Variants in SETD2 observed in about 807,000 individuals in gnomAD.
The protein encoded by SETD2 is histone-lysine N-methyltransferase SETD2.
Under a neutral mutation model 242.1 loss-of-function variants are expected in SETD2, and 31 were observed. That is an observed-to-expected ratio of 0.13 (90% CI 0.10 to 0.17). The LOEUF is 0.17. Ranked by LOEUF, SETD2 falls within the 10% of genes least tolerant of loss-of-function variation. The pLI is 1.00. For synonymous variants in SETD2, 1,006 were observed against 1,066.5 expected (o/e 0.94, Z 1.11); for missense variants, 2,481 against 3,046.3 (o/e 0.81, Z 4.37).
At chr3:47,117,152 A>G (rs1369753109) in intron 3 of SETD2, among the ~76,000 whole-genome samples, 1 of 151,904 alleles carries the variant, frequency 6.6e-6, no homozygotes, top group East Asian at 1.9e-4. Flanking sequence ...GGCATGATCC[A>G]CTACGCCTGG....
At chr3:47,049,906 T>C (rs1421328331) in intron 15 of SETD2, among the ~76,000 whole-genome samples, 3 of 85,028 alleles carry the variant, frequency 3.5e-5, no homozygotes, top group African/African-American at 1.7e-4. Flanking sequence ...TATAAACTTA[T>C]TCTGAATTTA....
At chr3:47,110,414 A>G (rs2042605317) in intron 5 of SETD2, among the ~76,000 whole-genome samples, 1 of 152,200 alleles carries the variant, frequency 6.6e-6, no homozygotes, top group Non-Finnish European at 1.5e-5. Context: ...AATGGTCAAT[A>G]TTATATTATG....
At chr3:47,144,056 C>T (rs955942772) in intron 1 of SETD2, among the ~76,000 whole-genome samples, 1 of 152,184 alleles carries the variant, frequency 6.6e-6, no homozygotes, top group African/African-American at 2.4e-5. Context: ...ACAGCTCTAG[C>T]TGTCAAGTTT....
Position 47,120,662 on chromosome 3 carries a change from C to T in SETD2, c.3974G>A (p.Gly1325Glu), listed in dbSNP as rs1187497298. The T allele has an allele frequency of 4.3e-6, 7 of 1,614,084 alleles. No homozygotes were observed. Among genetic ancestry groups the T allele is most frequent in the Non-Finnish European group, 5.9e-6 (7 of 1,180,036 alleles). The change falls in exon 3 of 21, where the codon GGA becomes GAA. Residue 1325 changes from glycine to glutamate, a missense_variant. Coordinates refer to ENST00000409792, the MANE Select transcript of SETD2 (RefSeq NM_014159.7). ...GTGVVYDRTQ[G>E]QVPDSLTDDR... The stretch of plus-strand genomic sequence containing the variant: ...ATCTGTTAGGGAATCTGGTACTTGT[C>T]CTTGAGTTCGATCATACACAACCCC...
In SETD2 at chr3:47,083,843, T is replaced by C; in HGVS notation, c.5937A>G (p.Pro1979=). The C allele has an allele frequency of 6.2e-7, 1 of 1,614,118 alleles. No individual in the cohort carries two copies. Among genetic ancestry groups the C allele is most frequent in the Non-Finnish European group, 8.5e-7 (1 of 1,179,958 alleles). The change falls in exon 12 of 21, where the codon CCA becomes CCG. Residue 1979 remains proline, a synonymous_variant. Coordinates refer to ENST00000409792, the MANE Select transcript of SETD2 (RefSeq NM_014159.7). ...KLEEPINEET[P]SQDEEEGVSD... is the part of the protein sequence containing the mutation. ...ACACACCCTCCTCTTCATCTTGGGA[T>C]GGTGTTTCTTCATTAATAGGTTCTT...
chr3:47,126,384 A>C (rs753730790), intron 2 of SETD2, among the ~76,000 whole-genome samples: 49 of 152,240 alleles, frequency 3.2e-4, no homozygotes, highest in Admixed American at 2.6e-3. Context: ...AAACAAGTAA[A>C]AGATATTTTT....
intron 9 of SETD2, among the ~76,000 whole-genome samples, chr3:47,089,097 T>A (rs971532337): frequency 1.3e-5 from 2 of 152,200 alleles, no homozygotes; most frequent in Admixed American, 1.3e-4. Context: ...AATCCATTTT[T>A]ATGCACCTCA....
rs748728806 is a variant in SETD2 at position 47,114,021 on chromosome 3, A to C, written c.4587-17T>G. ...CGAGAAGAACTGAAATGAGAAAAGG[A>C]GGAAATTTAATTCTTTAAAGCAGCA... On this transcript the variant is annotated splice_polypyrimidine_tract_variant and intron_variant, in intron 4 of 20. Transcript: ENST00000409792. The C allele has an allele frequency of 1.7e-5, 27 of 1,593,552 alleles. No individual in the cohort carries two copies. Among genetic ancestry groups the C allele is most frequent in the Non-Finnish European group, 2.3e-5 (27 of 1,174,434 alleles).
Position 47,120,226 on chromosome 3 carries a change from T to C in SETD2, c.4410A>G (p.Pro1470=), listed in dbSNP as rs759660816. The C allele has an allele frequency of 1.3e-6, 2 of 1,579,370 alleles. No individual in the cohort carries two copies. The highest frequency in any genetic ancestry group is 2.0e-5 in the Admixed American group (1 of 50,948). ...TTTCTTCAATAAGATCAAAGTAACA[T>C]GGCATTTTCCCTTGCTTGGCACATT... is the stretch of plus-strand genomic sequence containing the variant. ...WKECAKQGKM[P]CYFDLIEENV... is the part of the protein sequence containing the mutation. Residue 1470 remains proline, a synonymous_variant, in exon 3 of 21, where the codon CCA becomes CCG. Transcript: ENST00000409792.
chr3:47,046,327 A>C (rs2039524840), intron 16 of SETD2, among the ~76,000 whole-genome samples, 160 bp downstream of exon 16: 1 of 149,624 alleles, frequency 6.7e-6, no homozygotes. Context: ...ACAGAGCGAG[A>C]CTCTGTCTCA....
Position 47,113,868 on chromosome 3 carries a change from G to T in SETD2, c.4715+8C>A, listed in dbSNP as rs537315931. 6.2e-7 allele frequency: 1 copy of T among 1,604,066 alleles called. No homozygotes were observed. The highest frequency in any genetic ancestry group is 1.8e-5 in the Admixed American group (1 of 56,616). On this transcript the variant is annotated splice_region_variant and intron_variant, in intron 5 of 20. Transcript: ENST00000409792. ...AAGGAAGTGAAAGGTAATTAAAAAA[G>T]AACTTACGAAGGAAGGTCTTTGGCA...
intron 12 of SETD2, among the ~76,000 whole-genome samples, chr3:47,068,166 AC>A (rs2040645334): frequency 6.6e-6 from 1 of 152,226 alleles, no homozygotes; most frequent in Non-Finnish European, 1.5e-5. Context: ...TCTCAATAGT[AC>A]ATAAGGTGAT....
Position 47,075,135 on chromosome 3 carries a change from T to TA in SETD2, c.6061-8018dup, listed in dbSNP as rs199630834. 4.3e-3 allele frequency among the ~76,000 whole-genome samples: 547 copies of TA among 126,182 alleles called. 2 individuals carry two copies. Among genetic ancestry groups the TA allele is most frequent in the South Asian group, 0.011 (43 of 3,932 alleles). The allele number at this position is 126,182 out of a possible 152,430, so 82.8% of individuals were successfully genotyped here. A position where few individuals can be genotyped will look rare whatever the true frequency, so the allele number is the denominator to read the frequency against. ...GGCGACAGAGCGAGACTCCGTCTCT[T>TA]AAAAAAAAAAAAAAAAATCTCTGCA... On this transcript the variant is annotated intron_variant, in intron 12 of 20. Transcript: ENST00000409792.
At chr3:47,125,520 G>A (rs1206780678) in intron 2 of SETD2, among the ~76,000 whole-genome samples, 1 of 152,056 alleles carries the variant, frequency 6.6e-6, no homozygotes, top group Non-Finnish European at 1.5e-5. Flanking sequence ...AATGTCCCAG[G>A]TTTGGGAAAC....
Position 47,122,043 on chromosome 3 carries a change from T to G in SETD2, c.2593A>C (p.Asn865His), listed in dbSNP as rs2106667460. The G allele has an allele frequency of 2.5e-6, 4 of 1,613,812 alleles. No homozygotes were observed. Among genetic ancestry groups the G allele is most frequent in the Non-Finnish European group, 3.4e-6 (4 of 1,179,918 alleles). Residue 865 changes from asparagine (N) to histidine (H), a missense_variant, in exon 3 of 21, where the codon AAT becomes CAT. Asn to His is a moderately conservative substitution (Grantham distance 68, BLOSUM62 1). This residue lies in a region of SETD2 where 1,300 missense variants were observed against 1,259.2 expected (regional missense o/e 1.03). Coordinates refer to ENST00000409792, the MANE Select transcript of SETD2 (RefSeq NM_014159.7). ...SIGSTSSASV[N>H]HFDDLYQPIG... ...GGTTGATATAAATCATCAAAATGATTAACAGAAGCTGAACTAGTGCTACCG... is the reference window on the plus strand; with the variant it reads ...GGTTGATATAAATCATCAAAATGATGAACAGAAGCTGAACTAGTGCTACCG...
At chr3:47,117,730 C>A (rs2042920603) in intron 3 of SETD2, among the ~76,000 whole-genome samples, 1 of 152,178 alleles carries the variant, frequency 6.6e-6, no homozygotes, top group African/African-American at 2.4e-5. Context: ...GCTCAACTTT[C>A]TCCATGCAGA....
chr3:47,137,867 T>C (rs1319153434), intron 1 of SETD2, among the ~76,000 whole-genome samples: 1 of 151,996 alleles, frequency 6.6e-6, no homozygotes, highest in African/African-American at 2.4e-5. Context: ...TATTTTTTTT[T>C]TAGTAGAGAT....
chr3:47,102,191 T>C (rs1451823871), intron 7 of SETD2, among the ~76,000 whole-genome samples: 3 of 152,150 alleles, frequency 2.0e-5, no homozygotes, highest in African/African-American at 7.2e-5. Flanking sequence ...ATCCAGACAA[T>C]TTGCACATGT....
chr3:47,141,244 G>A (rs2043721792), intron 1 of SETD2, among the ~76,000 whole-genome samples: 2 of 152,090 alleles, frequency 1.3e-5, no homozygotes, highest in African/African-American at 4.8e-5. Flanking sequence ...CTGGGCTCAA[G>A]CGATCTGCCT....
Sources: gnomAD v4.1 joint callset for allele counts (sites outside exome capture counted in the v4.1 genomes callset) on GRCh38, gnomAD v4.1.1 for gene constraint, gnomAD v4.1.1 regional missense constraint, MANE v1.5 for transcripts, NCBI Gene and HGNC (gene_info 2026-07-23, HGNC 2026-07-21) for gene names.